MBD3: variants seen among roughly 807,000 people sequenced by gnomAD.
The protein encoded by MBD3 is methyl-CpG binding domain protein 3, also known as methyl-CpG-binding domain protein 3.
Under a neutral mutation model 31.2 loss-of-function variants are expected in MBD3, and 13 were observed. That is an observed-to-expected ratio of 0.42 (90% CI 0.27 to 0.66). The LOEUF (loss-of-function observed/expected upper bound fraction) is 0.66. Among genes scored for constraint, MBD3 ranks in the 30% least tolerant of loss-of-function variants. The pLI is 0.26. For synonymous variants in MBD3, 223 were observed against 187.4 expected (o/e 1.19, Z -1.55); for missense variants, 440 against 426.5 (o/e 1.03, Z -0.28).
chr19:1,589,344 CAAAAAAAAA>C (rs35111393), intron 1 of MBD3, among the ~76,000 whole-genome samples: 4 of 65,638 alleles, frequency 6.1e-5, no homozygotes, highest in Non-Finnish European at 9.2e-5. Context: ...AACTCGGTCT[CAAAAAAAAA>C]AAAAAAAAAA....
Position 1,578,678 on chromosome 19 carries a change from C to A in MBD3, c.678-140G>T, listed in dbSNP as rs1179360636. Reference sequence around the variant, plus strand: ...CCCCCAGGACCAGCCCTGGCCCGTGCCACCCCTCCCTTCACAATCCACGCA... The same window carrying A: ...CCCCCAGGACCAGCCCTGGCCCGTGACACCCCTCCCTTCACAATCCACGCA... On this transcript the variant is annotated intron_variant, in intron 5 of 6. Coordinates refer to ENST00000434436, the MANE Select transcript of MBD3 (RefSeq NM_001281453.2). This position sits in a 1 kb window ranked among gnomAD's most constrained non-coding sequence, Gnocchi z 6.1. The A allele has an allele frequency of 6.5e-7, 1 of 1,529,336 alleles. No individual in the cohort carries two copies. Among genetic ancestry groups the A allele is most frequent in the African/African-American group, 1.4e-5 (1 of 73,394 alleles). The allele number at this position is 1,529,336 out of a possible 1,614,324, so 94.7% of individuals were successfully genotyped here. A position where few individuals can be genotyped will look rare whatever the true frequency, so the allele number is the denominator to read the frequency against.
Position 1,585,120 on chromosome 19 carries a change from T to C in MBD3, c.205A>G (p.Met69Val). 6.2e-7 allele frequency: 1 copy of C among 1,612,518 alleles called. No homozygotes were observed. Reference protein sequence around the residue: ...LSTFDFRTGKMLMSKMNKSRQ... With the variant: ...LSTFDFRTGKVLMSKMNKSRQ... Reference sequence around the variant, plus strand: ...CTCTTGTTCATCTTGCTCATCAGCATCTTGCCCGTGCGGAAGTCGAAGGTG... The same window carrying C: ...CTCTTGTTCATCTTGCTCATCAGCACCTTGCCCGTGCGGAAGTCGAAGGTG... The change falls in exon 2 of 7, where the codon ATG (methionine) becomes GTG (valine). Residue 69 changes from methionine to valine, a missense_variant. Met to Val is a conservative substitution (Grantham distance 21). Coordinates refer to ENST00000434436, the MANE Select transcript of MBD3 (RefSeq NM_001281453.2). The surrounding 1 kb of genome is among the most constrained non-coding windows in gnomAD (Gnocchi z 4.1).
At chr19:1,587,274 ATTT>A (rs1055481755) in intron 1 of MBD3, among the ~76,000 whole-genome samples, 1 of 151,518 alleles carries the variant, frequency 6.6e-6, no homozygotes, top group Non-Finnish European at 1.5e-5. Flanking sequence ...CAATTTTTAT[ATTT>A]TTTTAATAGA....
At chr19:1,579,459 G>A (rs1024710955) in intron 5 of MBD3, among the ~76,000 whole-genome samples, 5 of 152,032 alleles carry the variant, frequency 3.3e-5, no homozygotes, top group Non-Finnish European at 5.9e-5. Context: ...CTCCGGGGCC[G>A]CAGCACGTGC....
In MBD3 at chr19:1,576,803, AGGAAGACGTGGTCCCCACCT is replaced by A. The variant is rs998361025; in HGVS notation, c.*1341_*1360del. 318 of 152,366 alleles carry A rather than the reference AGGAAGACGTGGTCCCCACCT, an allele frequency of 2.1e-3. No individual in the cohort carries two copies. The highest frequency in any genetic ancestry group is 7.2e-3 in the African/African-American group (298 of 41,524). 9.4% of individuals were successfully genotyped at this position (152,366 alleles called of 1,614,324 possible). On this transcript the variant is annotated 3_prime_UTR_variant, in exon 7 of 7. Coordinates refer to ENST00000434436, the MANE Select transcript of MBD3 (RefSeq NM_001281453.2). ...GTCCCAGCCAGTGGGCACCAACCTC[AGGAAGACGTGGTCCCCACCT>A]GGAGCTTCCCTCGGCTGCCCTGGCC...
intron 1 of MBD3, chr19:1,592,263 C>T (rs2060707406): frequency 6.4e-6 from 1 of 156,790 alleles, no homozygotes; most frequent in East Asian, 1.9e-4. Flanking sequence ...GCCCCTGGCC[C>T]AGCGCGCACG....
chr19:1,589,989 GT>G (rs1212050754), intron 1 of MBD3, among the ~76,000 whole-genome samples: 1 of 152,146 alleles, frequency 6.6e-6, no homozygotes, highest in Non-Finnish European at 1.5e-5. Flanking sequence ...AGCGGTGATG[GT>G]TGCACAACTT....
Position 1,581,175 on chromosome 19 carries a change from G to A in MBD3, c.594C>T (p.Ala198=), listed in dbSNP as rs371261693. Residue 198 remains alanine (A), a synonymous_variant, in exon 5 of 7, where the codon GCC becomes GCT. Transcript: ENST00000434436. ...STMPITGQLS[A]AVEKNPGVWL... The stretch of plus-strand genomic sequence containing the variant: ...ATACGCCGGGGTTCTTCTCCACGGC[G>A]GCCGAGAGCTGTCCCGTGATGGGCA... 27 of 1,613,982 alleles carry A rather than the reference G, an allele frequency of 1.7e-5. No individual in the cohort carries two copies. The highest frequency in any genetic ancestry group is 1.7e-4 in the Admixed American group (10 of 59,992).
rs1336624127 is a variant in MBD3, at chr19:1,574,640, C to G, written c.*3524G>C. 6.5e-6 allele frequency: 1 copy of G among 152,974 alleles called. No individual in the cohort carries two copies. The highest frequency in any genetic ancestry group is 1.5e-5 in the Non-Finnish European group (1 of 68,552). The allele number at this position is 152,974 out of a possible 1,614,324, so 9.5% of individuals were successfully genotyped here. ...TTTACACTTTTTGGACCCCTTGAAT[C>G]TGGAGCGAGTGTGACAGAATCTCAC... On this transcript the variant is annotated 3_prime_UTR_variant, in exon 7 of 7. Transcript: ENST00000434436.
rs756077467 is a variant in MBD3 at position 1,582,615 on chromosome 19, C to T, written c.499+7G>A. On this transcript the variant is annotated splice_region_variant and intron_variant, in intron 4 of 6. Coordinates refer to ENST00000434436, the MANE Select transcript of MBD3 (RefSeq NM_001281453.2). ...CCCTTCCGCCTCCCCTCAGGGTGCC[C>T]GCTCACCCTGCAGGCCCTTGGGGAG... The T allele has an allele frequency of 5.6e-6, 9 of 1,613,122 alleles. No homozygotes were observed. The highest frequency in any genetic ancestry group is 1.3e-5 in the African/African-American group (1 of 74,920).
chr19:1,578,618 G>T lies in MBD3; in HGVS notation c.678-80C>A, dbSNP rs772817341. ...ACACAGGATGAACGTGGGGACCTCA[G>T]CTGGGAGGGGAGGCCCGAGGGATCC... On this transcript the variant is annotated intron_variant, in intron 5 of 6. Coordinates refer to ENST00000434436, the MANE Select transcript of MBD3 (RefSeq NM_001281453.2). This position sits in a 1 kb window ranked among gnomAD's most constrained non-coding sequence, Gnocchi z 6.1. 11 of 1,600,958 alleles carry T rather than the reference G, an allele frequency of 6.9e-6. No individual in the cohort carries two copies. The Admixed American group carries it at 1.5e-4, about 22-fold the overall frequency.
At chr19:1,590,495 G>GT (rs761480048) in intron 1 of MBD3, among the ~76,000 whole-genome samples, 3 of 152,126 alleles carry the variant, frequency 2.0e-5, no homozygotes, top group African/African-American at 4.8e-5. Flanking sequence ...GCACGTGCCT[G>GT]TAATTCCCAC....
chr19:1,592,318 C>G (rs765913451), intron 1 of MBD3: 14 of 165,364 alleles, frequency 8.5e-5, no homozygotes, highest in Non-Finnish European at 1.8e-4. Context: ...CCTGAACGGC[C>G]GGCCGAAAGC....
At position 1,574,557 on chromosome 19, in the gene MBD3, T is replaced by C. The variant is rs561787590; in HGVS notation, c.*3607A>G. The C allele has an allele frequency of 8.7e-4, 133 of 152,994 alleles. 4 individuals are homozygous for C. The South Asian group carries it at 0.027, about 31-fold the overall frequency. 9.5% of individuals were successfully genotyped at this position (152,994 alleles called of 1,614,324 possible). On this transcript the variant is annotated 3_prime_UTR_variant, in exon 7 of 7. Coordinates refer to ENST00000434436, the MANE Select transcript of MBD3 (RefSeq NM_001281453.2). The stretch of plus-strand genomic sequence containing the variant: ...GTTCCTGTTCATGGCCGAGTCCTGC[T>C]CCATGGTGTGGCCGGGCCGGGCTGT...
chr19:1,575,175 A>G lies in MBD3; in HGVS notation c.*2989T>C. 2.3e-6 allele frequency: 1 copy of G among 436,882 alleles called. No individual in the cohort carries two copies. Among genetic ancestry groups the G allele is most frequent in the South Asian group, 1.6e-5 (1 of 62,070 alleles). 27.1% of individuals were successfully genotyped at this position (436,882 alleles called of 1,614,324 possible). A position where few individuals can be genotyped will look rare whatever the true frequency, so the allele number is the denominator to read the frequency against. On this transcript the variant is annotated 3_prime_UTR_variant, in exon 7 of 7. Transcript: ENST00000434436. ...GCTGCCATGGTGGTTCACACCTGTA[A>G]TCCCGGCAATTTGGGAAGCTGGGGC... is the stretch of plus-strand genomic sequence containing the variant.
rs1314235460 is a variant in MBD3 at position 1,573,925 on chromosome 19, C to T, written c.*4239G>A. On this transcript the variant is annotated 3_prime_UTR_variant, in exon 7 of 7. Transcript: ENST00000434436. ...GCTGAGGCTGGAGAATCTATTGAAC[C>T]CGGGAGGAGGAGGTTGCGGTGAGCC... The T allele has an allele frequency of 6.6e-6, 1 of 152,016 alleles. No homozygotes were observed. The highest frequency in any genetic ancestry group is 2.4e-5 in the African/African-American group (1 of 41,370). 9.4% of individuals were successfully genotyped at this position (152,016 alleles called of 1,614,324 possible).
intron 1 of MBD3, among the ~76,000 whole-genome samples, chr19:1,586,887 G>A (rs944562867): frequency 1.3e-5 from 2 of 151,536 alleles, no homozygotes; most frequent in African/African-American, 2.4e-5. Context: ...GGCTGGTCAC[G>A]AACTCCTGAC....
intron 4 of MBD3, 164 bp from the exon 5 acceptor site, chr19:1,581,433 C>G: frequency 1.4e-6 from 1 of 733,610 alleles, no homozygotes; most frequent in South Asian, 1.6e-5. Context: ...TGTGTTACTA[C>G]ATTCATAACA....
chr19:1,578,882 T>C lies in MBD3; in HGVS notation c.678-344A>G, dbSNP rs932023822. ...CTCCTGTCCCTTGACAGGCACTGAG[T>C]GGGGCAGGAAAACCCTCACCAGGCC... On this transcript the variant is annotated intron_variant, in intron 5 of 6. Coordinates refer to ENST00000434436, the MANE Select transcript of MBD3 (RefSeq NM_001281453.2). This position sits in a 1 kb window ranked among gnomAD's most constrained non-coding sequence, Gnocchi z 6.1. 2.6e-5 allele frequency among the ~76,000 whole-genome samples: 4 copies of C among 151,860 alleles called. No homozygotes were observed. Among genetic ancestry groups the C allele is most frequent in the Admixed American group, 2.0e-4 (3 of 15,260 alleles).
Sources: gnomAD v4.1 joint callset for allele counts (sites outside exome capture counted in the v4.1 genomes callset) on GRCh38, gnomAD v4.1.1 for gene constraint, Gnocchi (gnomAD v3.1) non-coding constraint, MANE v1.5 for transcripts, NCBI Gene and HGNC (gene_info 2026-07-23, HGNC 2026-07-21) for gene names.